ITPK1: variants seen among roughly 807,000 people sequenced by gnomAD.
ITPK1 encodes inositol-tetrakisphosphate 1-kinase.
A neutral mutation model predicts 45.3 loss-of-function variants in ITPK1; 21 were observed. That is an observed-to-expected ratio of 0.46 (90% CI 0.33 to 0.67). The LOEUF is 0.67. Ranked by LOEUF, ITPK1 falls within the 30% of genes least tolerant of loss-of-function variation. ITPK1 has a pLI of 0.02. For synonymous variants in ITPK1, 258 were observed against 253.6 expected, an observed-to-expected ratio of 1.02 and a Z score of -0.16; for missense variants, 474 against 573.5, an observed-to-expected ratio of 0.83 and a Z score of 1.77.
chr14:93,090,134 C>G (rs995924774), intron 2 of ITPK1, among the ~76,000 whole-genome samples: 48 of 152,094 alleles, frequency 3.2e-4, no homozygotes, highest in Non-Finnish European at 1.9e-4. Context: ...TTCCCTCACC[C>G]CCACCACTTG....
At chr14:92,994,688 G>A (rs1046670132) in intron 4 of ITPK1, among the ~76,000 whole-genome samples, 41 of 152,302 alleles carry the variant, frequency 2.7e-4, no homozygotes, top group African/African-American at 9.6e-4. Context: ...ACATAGCGAA[G>A]GAGCCCACCC....
chr14:92,946,312 T>C lies in ITPK1; in HGVS notation c.901+19A>G, dbSNP rs767967577. The C allele has an allele frequency of 4.3e-6, 7 of 1,611,832 alleles. No individual in the cohort carries two copies. The highest frequency in any genetic ancestry group is 1.1e-5 in the South Asian group (1 of 91,070). ...GTCTCTGGAGGCCGGTCAGTGGAGG[T>C]GGCCTGGCCGCCACTCACCTGGGAA... On this transcript the variant is annotated intron_variant, in intron 10 of 10. Transcript: ENST00000267615.
chr14:93,079,295 C>T (rs1047769871), intron 2 of ITPK1, among the ~76,000 whole-genome samples: 2 of 152,212 alleles, frequency 1.3e-5, no homozygotes, highest in South Asian at 2.1e-4. Context: ...GGATAAGTTG[C>T]AACAGTGGCA....
At chr14:92,987,103 G>C (rs1426215862) in intron 5 of ITPK1, among the ~76,000 whole-genome samples, 1 of 152,220 alleles carries the variant, frequency 6.6e-6, no homozygotes, top group African/African-American at 2.4e-5. Flanking sequence ...AGCTGATCCA[G>C]GCTCCCGGGC....
intron 3 of ITPK1, among the ~76,000 whole-genome samples, chr14:93,027,711 C>T (rs540075096): frequency 1.8e-4 from 27 of 152,322 alleles, no homozygotes; most frequent in Admixed American, 1.6e-3. Flanking sequence ...GTAAGCAAGA[C>T]AGTCATCAAC....
chr14:92,961,719 T>C (rs1370168744), intron 7 of ITPK1, among the ~76,000 whole-genome samples: 2 of 152,168 alleles, frequency 1.3e-5, no homozygotes, highest in African/African-American at 2.4e-5. Flanking sequence ...CAAGCTCCCC[T>C]ATGGACTGAA....
rs1407104111 is a variant in ITPK1, at chr14:92,941,723, G to A, written c.1083C>T (p.Cys361=). Reference sequence around the variant, plus strand: ...CGTCCTGGCCCATCATGCTGCCGCAGCAGCCGGGGCTGGCGCTGCATGTCC... The same window carrying A: ...CGTCCTGGCCCATCATGCTGCCGCAACAGCCGGGGCTGGCGCTGCATGTCC... The part of the protein sequence containing the change: ...GERTCSASPG[C]CGSMMGQDAP... Residue 361 remains cysteine (C), a synonymous_variant, in exon 11 of 11, where the codon TGC becomes TGT. Coordinates refer to ENST00000267615, the MANE Select transcript of ITPK1 (RefSeq NM_014216.6). 1.3e-6 allele frequency: 2 copies of A among 1,583,796 alleles called. No individual in the cohort carries two copies. Among genetic ancestry groups the A allele is most frequent in the Non-Finnish European group, 1.7e-6 (2 of 1,167,198 alleles).
At position 93,016,984 on chromosome 14, in the gene ITPK1, C is replaced by T. The variant is rs571957357; in HGVS notation, c.121-183G>A. ...AGACAGGACAAGCAGGACAAACCCTCCAAGACCCCACAACTCTTCTCTCCT... is the reference window on the plus strand; with the variant it reads ...AGACAGGACAAGCAGGACAAACCCTTCAAGACCCCACAACTCTTCTCTCCT... On this transcript the variant is annotated intron_variant, in intron 3 of 10. Coordinates refer to ENST00000267615, the MANE Select transcript of ITPK1 (RefSeq NM_014216.6). This position sits in a 1 kb window ranked among gnomAD's most constrained non-coding sequence, Gnocchi z 5.0. Among the ~76,000 whole-genome samples the T allele has an allele frequency of 6.6e-6, 1 of 152,254 alleles. No homozygotes were observed. Among genetic ancestry groups the T allele is most frequent in the South Asian group, 2.1e-4 (1 of 4,832 alleles).
intron 5 of ITPK1, among the ~76,000 whole-genome samples, chr14:92,984,195 G>T (rs1017015189): frequency 6.6e-6 from 1 of 152,154 alleles, no homozygotes; most frequent in African/African-American, 2.4e-5. Flanking sequence ...AAACAGATTC[G>T]AGAAGCACCA....
chr14:92,939,653 G>A lies in ITPK1; in HGVS notation c.*1908C>T. On this transcript the variant is annotated 3_prime_UTR_variant, in exon 11 of 11. Coordinates refer to ENST00000267615, the MANE Select transcript of ITPK1 (RefSeq NM_014216.6). The stretch of plus-strand genomic sequence containing the variant: ...CACGACACCACATGGCAGTTACTCG[G>A]TATCTGGGCCCTGGACGCGCAAGAC... 1.0e-6 allele frequency: 1 copy of A among 984,600 alleles called. No individual in the cohort carries two copies. The highest frequency in any genetic ancestry group is 1.2e-6 in the Non-Finnish European group (1 of 829,348). The allele number at this position is 984,600 out of a possible 1,614,324, so 61.0% of individuals were successfully genotyped here. A position where few individuals can be genotyped will look rare whatever the true frequency, so the allele number is the denominator to read the frequency against.
At chr14:93,096,693 T>A (rs1239493474) in intron 2 of ITPK1, among the ~76,000 whole-genome samples, 4 of 152,226 alleles carry the variant, frequency 2.6e-5, no homozygotes, top group Admixed American at 2.6e-4. Flanking sequence ...GTTTCCCCAC[T>A]GAAAATCCCA....
At position 93,114,999 on chromosome 14, in the gene ITPK1, CG is replaced by C. The variant is rs919692785; in HGVS notation, c.95+69del. 14 of 822,278 alleles carry C rather than the reference CG, an allele frequency of 1.7e-5. 1 individual carries two copies. In the Admixed American group the frequency reaches 2.0e-4, roughly 12 times the overall value. The allele number at this position is 822,278 out of a possible 1,614,324, so 50.9% of individuals were successfully genotyped here. ...CCCAAAACAACTAATGAGGCTGCAC[CG>C]GGCTCGGGCCGGGGGTCACCGGGCT... On this transcript the variant is annotated intron_variant, in intron 2 of 10. Transcript: ENST00000267615.
At chr14:93,081,265 CG>C (rs1383396261) in intron 2 of ITPK1, among the ~76,000 whole-genome samples, 1 of 151,780 alleles carries the variant, frequency 6.6e-6, no homozygotes. Context: ...ACCCAGGAGG[CG>C]GGGGTTGCAG....
chr14:92,952,490 C>A (rs924003109), intron 8 of ITPK1, among the ~76,000 whole-genome samples: 1 of 151,544 alleles, frequency 6.6e-6, no homozygotes, highest in Admixed American at 6.6e-5. Context: ...GGCACCGGCA[C>A]GTGAGCACTT....
At chr14:93,074,456 G>A (rs571098202) in intron 3 of ITPK1, among the ~76,000 whole-genome samples, 87 of 152,358 alleles carry the variant, frequency 5.7e-4, no homozygotes, top group African/African-American at 1.9e-3. Context: ...CTCCTCGAGC[G>A]GTGGGGGTGA....
intron 2 of ITPK1, among the ~76,000 whole-genome samples, chr14:93,087,424 G>C (rs1307328223): frequency 6.6e-6 from 1 of 152,244 alleles, no homozygotes; most frequent in Non-Finnish European, 1.5e-5. Context: ...TAAGGCGAGA[G>C]GATCACTTGA....
At position 92,938,418 on chromosome 14, in the gene ITPK1, G is replaced by T; in HGVS notation, c.*3143C>A. ...GACAGGCTGGCTCCCTTGGTCTTGG[G>T]GTGGCTGTCTGGCAGGCAACAGCTG... On this transcript the variant is annotated 3_prime_UTR_variant, in exon 11 of 11. Coordinates refer to ENST00000267615, the MANE Select transcript of ITPK1 (RefSeq NM_014216.6). The T allele has an allele frequency of 7.9e-7, 1 of 1,267,368 alleles. No homozygotes were observed. Among genetic ancestry groups the T allele is most frequent in the Non-Finnish European group, 1.2e-6 (1 of 863,876 alleles). 78.5% of individuals were successfully genotyped at this position (1,267,368 alleles called of 1,614,324 possible).
chr14:93,016,504 G>A lies in ITPK1; in HGVS notation c.246+172C>T, dbSNP rs1376519181. On this transcript the variant is annotated intron_variant, in intron 4 of 10. Transcript: ENST00000267615. The surrounding 1 kb of genome is among the most constrained non-coding windows in gnomAD (Gnocchi z 5.0). ...CCACGCTACACCCGAGGACACTGAC[G>A]CCGCACAGAAGTACCTGCCCACGAG... Among the ~76,000 whole-genome samples, 2 of 152,160 alleles carry A rather than the reference G, an allele frequency of 1.3e-5. No homozygotes were observed. The highest frequency in any genetic ancestry group is 4.8e-5 in the African/African-American group (2 of 41,424).
At chr14:92,982,020 C>G (rs528379808) in intron 5 of ITPK1, among the ~76,000 whole-genome samples, 1 of 152,334 alleles carries the variant, frequency 6.6e-6, no homozygotes, top group Non-Finnish European at 1.5e-5. Context: ...AGTGCAGGGG[C>G]AGTATGACAG....
Sources: gnomAD v4.1 joint callset for allele counts (sites outside exome capture counted in the v4.1 genomes callset) on GRCh38, gnomAD v4.1.1 for gene constraint, Gnocchi (gnomAD v3.1) non-coding constraint, MANE v1.5 for transcripts, NCBI Gene and HGNC (gene_info 2026-07-23, HGNC 2026-07-21) for gene names.